The following RHBDL2 variants were observed in gnomAD, a reference collection of about 807,000 sequenced individuals.
RHBDL2 encodes the protein rhomboid-related protein 2.
In RHBDL2, 26 loss-of-function variants were observed where a neutral mutation model predicts 31.7. The observed-to-expected ratio is 0.82, with a 90% CI of 0.60 to 1.14. RHBDL2 has a LOEUF of 1.14. Among genes scored for constraint, RHBDL2 ranks in the 50% most tolerant of loss-of-function variants. RHBDL2 has a pLI of 0.00. For synonymous variants in RHBDL2, 123 were observed against 127.2 expected (o/e 0.97, Z 0.22); for missense variants, 336 against 364.4 (o/e 0.92, Z 0.63).
chr1:38,924,623 C>A (rs985850567), intron 1 of RHBDL2, among the ~76,000 whole-genome samples: 1 of 151,614 alleles, frequency 6.6e-6, no homozygotes, highest in Admixed American at 6.6e-5. Flanking sequence ...ACGGAAGGAA[C>A]TTTGCTACTT....
At chr1:38,892,731 CA>C (rs1318832412) in intron 6 of RHBDL2, among the ~76,000 whole-genome samples, 1 of 152,140 alleles carries the variant, frequency 6.6e-6, no homozygotes, top group Non-Finnish European at 1.5e-5. Context: ...GTTGAGGGGC[CA>C]GGGGACAAAA....
chr1:38,928,232 C>T (rs1643399839), intron 1 of RHBDL2, among the ~76,000 whole-genome samples: 1 of 150,474 alleles, frequency 6.6e-6, no homozygotes, highest in African/African-American at 2.5e-5. Context: ...ACCTCCACCT[C>T]CCAGGTTCAA....
intron 4 of RHBDL2, 122 bp downstream of exon 4, chr1:38,911,200 G>A (rs1643136673): frequency 6.4e-6 from 4 of 623,770 alleles, no homozygotes; most frequent in East Asian, 2.7e-5. Flanking sequence ...ATGTGTTCCC[G>A]AGCACATATT....
chr1:38,917,043 AG>A (rs1643247533), intron 2 of RHBDL2, among the ~76,000 whole-genome samples: 1 of 108,800 alleles, frequency 9.2e-6, no homozygotes, highest in Non-Finnish European at 1.8e-5. Context: ...TTTGAGATGG[AG>A]TCTTGCTCTG....
intron 1 of RHBDL2, among the ~76,000 whole-genome samples, chr1:38,936,604 A>G (rs2124357384): frequency 6.6e-6 from 1 of 151,876 alleles, no homozygotes; most frequent in African/African-American, 2.4e-5. Context: ...GGTTCAAGCA[A>G]TTCTCCTGCC....
At chr1:38,918,150 A>G (rs1185244419) in intron 2 of RHBDL2, among the ~76,000 whole-genome samples, 1 of 152,154 alleles carries the variant, frequency 6.6e-6, no homozygotes, top group African/African-American at 2.4e-5. Flanking sequence ...ATAAATATTA[A>G]TCTCTCTTCC....
intron 4 of RHBDL2, among the ~76,000 whole-genome samples, chr1:38,905,575 C>A (rs1643052780): frequency 7.1e-6 from 1 of 141,270 alleles, no homozygotes; most frequent in Admixed American, 7.5e-5. Flanking sequence ...CATGTTGAAA[C>A]CCTGTCTCTA....
intron 1 of RHBDL2, among the ~76,000 whole-genome samples, chr1:38,937,499 CA>C (rs1363150562): frequency 6.6e-6 from 1 of 152,046 alleles, no homozygotes; most frequent in Non-Finnish European, 1.5e-5. Flanking sequence ...TCCAGACAAG[CA>C]GATGACTTTT....
chr1:38,903,384 C>A (rs1291831723), intron 4 of RHBDL2, among the ~76,000 whole-genome samples: 1 of 152,044 alleles, frequency 6.6e-6, no homozygotes, highest in Non-Finnish European at 1.5e-5. Flanking sequence ...AGGCGATCCA[C>A]CTGCCTCAGC....
At chr1:38,922,425 A>C (rs113845400) in intron 1 of RHBDL2, among the ~76,000 whole-genome samples, 6,062 of 63,108 alleles carry the variant, frequency 0.096, 454 homozygotes, top group Non-Finnish European at 0.14. Flanking sequence ...ACACACCACC[A>C]TACCCAGCTA....
chr1:38,924,353 G>C (rs1643348607), intron 1 of RHBDL2, among the ~76,000 whole-genome samples: 1 of 152,142 alleles, frequency 6.6e-6, no homozygotes, highest in Non-Finnish European at 1.5e-5. Flanking sequence ...CCAGCATTTT[G>C]GGAGGCGGAG....
chr1:38,885,822 T>G lies in RHBDL2; in HGVS notation c.*682A>C, dbSNP rs1642775443. 4 of 152,678 alleles carry G rather than the reference T, an allele frequency of 2.6e-5. No individual in the cohort carries two copies. In the South Asian group the frequency reaches 8.3e-4, roughly 32 times the overall value. 9.5% of individuals were successfully genotyped at this position (152,678 alleles called of 1,614,324 possible). ...GAGTCTGACACAGGTATAAAAAGTTTTTATTATCAGCATTGTACAGTATTC... is the reference window on the plus strand; with the variant it reads ...GAGTCTGACACAGGTATAAAAAGTTGTTATTATCAGCATTGTACAGTATTC... On this transcript the variant is annotated 3_prime_UTR_variant, in exon 8 of 8. Transcript: ENST00000372990.
intron 1 of RHBDL2, among the ~76,000 whole-genome samples, chr1:38,941,144 T>G (rs899684228): frequency 6.6e-6 from 1 of 152,134 alleles, no homozygotes; most frequent in Admixed American, 6.5e-5. Context: ...AATAAACAAA[T>G]GAACACTAAT....
chr1:38,894,707 C>CTTTTTTT (rs71057159), intron 5 of RHBDL2, among the ~76,000 whole-genome samples: 2 of 114,192 alleles, frequency 1.8e-5, no homozygotes, highest in Non-Finnish European at 1.7e-5. Flanking sequence ...CTTTTTTTTT[C>CTTTTTTT]TTTTTTTTTT....
chr1:38,895,542 G>A (rs1361008443), intron 5 of RHBDL2, among the ~76,000 whole-genome samples: 1 of 152,172 alleles, frequency 6.6e-6, no homozygotes, highest in African/African-American at 2.4e-5. Flanking sequence ...GGCAGCTCAC[G>A]CCTGTAATCC....
At chr1:38,935,544 T>C (rs949517368) in intron 1 of RHBDL2, among the ~76,000 whole-genome samples, 9 of 152,258 alleles carry the variant, frequency 5.9e-5, no homozygotes, top group Non-Finnish European at 4.4e-5. Flanking sequence ...GGTATCAGTA[T>C]TGAATTAGTT....
intron 1 of RHBDL2, among the ~76,000 whole-genome samples, chr1:38,937,770 A>G (rs1411505907): frequency 6.6e-6 from 1 of 152,202 alleles, no homozygotes; most frequent in African/African-American, 2.4e-5. Context: ...AAATTTCCAA[A>G]CTTTTATTAG....
intron 3 of RHBDL2, among the ~76,000 whole-genome samples, chr1:38,915,202 G>T (rs1163871721): frequency 2.0e-5 from 3 of 149,324 alleles, no homozygotes; most frequent in East Asian, 2.1e-4. Flanking sequence ...GCACGATCTC[G>T]GCTTACTGCA....
chr1:38,889,960 C>T (rs1046344572), intron 6 of RHBDL2, among the ~76,000 whole-genome samples: 6 of 151,704 alleles, frequency 4.0e-5, no homozygotes, highest in African/African-American at 7.3e-5. Flanking sequence ...AAATTGAGGT[C>T]GAGGAAATAT....
Sources: allele counts gnomAD v4.1 joint callset (sites outside exome capture counted in the v4.1 genomes callset), GRCh38; gene constraint gnomAD v4.1.1; transcripts MANE v1.5; gene names NCBI Gene and HGNC (gene_info 2026-07-23, HGNC 2026-07-21).